UBE2L3: variants seen among roughly 807,000 people sequenced by gnomAD.
The protein encoded by UBE2L3 is ubiquitin conjugating enzyme E2 L3.
A neutral mutation model predicts 17.8 loss-of-function variants in UBE2L3; 1 was observed. The observed-to-expected ratio is 0.06, with a 90% CI of 0.02 to 0.27. UBE2L3 has a LOEUF of 0.27. UBE2L3 is among the 10% of genes least tolerant of loss of function. UBE2L3 has a pLI of 1.00. For missense variants in UBE2L3, 40 were observed against 192.6 expected, an observed-to-expected ratio of 0.21 and a Z score of 4.69; for synonymous variants, 44 against 68.5, an observed-to-expected ratio of 0.64 and a Z score of 1.76.
At position 21,621,619 on chromosome 22, in the gene UBE2L3, A is replaced by G; in HGVS notation, c.415A>G (p.Asn139Asp). The G allele has an allele frequency of 6.2e-7, 1 of 1,607,396 alleles. No individual in the cohort carries two copies. Among genetic ancestry groups the G allele is most frequent in the Non-Finnish European group, 8.5e-7 (1 of 1,178,454 alleles). ...YSKDRKKFCK[N>D]AEEFTKKYGE... ...TAAGGACCGTAAAAAATTCTGTAAG[A>G]ATGCTGAAGAGTTTACAAAGAAATA... Residue 139 changes from asparagine (N) to aspartate (D), a missense_variant, in exon 4 of 4, where the codon AAT (asparagine) becomes GAT (aspartate). By Grantham distance (23) the Asn-to-Asp change is conservative (BLOSUM62 1). Coordinates refer to ENST00000342192, the MANE Select transcript of UBE2L3 (RefSeq NM_003347.4).
chr22:21,582,384 C>T (rs1325964348), intron 1 of UBE2L3, among the ~76,000 whole-genome samples: 2 of 149,302 alleles, frequency 1.3e-5, no homozygotes, highest in Admixed American at 1.3e-4. Flanking sequence ...GATGGAGTCT[C>T]GCTCTGTCAC....
intron 1 of UBE2L3, among the ~76,000 whole-genome samples, chr22:21,588,281 A>G (rs1409435234): frequency 1.3e-5 from 2 of 151,806 alleles, no homozygotes; most frequent in Non-Finnish European, 1.5e-5. Context: ...CACTTCTTGG[A>G]ATTTACATTG....
intron 3 of UBE2L3, among the ~76,000 whole-genome samples, chr22:21,617,635 G>A (rs1929845107): frequency 6.6e-6 from 1 of 152,074 alleles, no homozygotes; most frequent in Non-Finnish European, 1.5e-5. Context: ...TTTGGGTCAT[G>A]GAAGAGACCA....
At chr22:21,556,991 T>C (rs1601380562) in intron 1 of UBE2L3, among the ~76,000 whole-genome samples, 1 of 152,034 alleles carries the variant, frequency 6.6e-6, no homozygotes, top group African/African-American at 2.4e-5. Context: ...GAGGTGGAGG[T>C]TGCAGTGAGC....
At chr22:21,574,103 G>A (rs946115272) in intron 1 of UBE2L3, among the ~76,000 whole-genome samples, 1 of 152,184 alleles carries the variant, frequency 6.6e-6, no homozygotes, top group African/African-American at 2.4e-5. Context: ...GGCTTTGCAT[G>A]TATCTCCTGT....
At chr22:21,559,969 G>C (rs1926372848) in intron 1 of UBE2L3, among the ~76,000 whole-genome samples, 1 of 152,282 alleles carries the variant, frequency 6.6e-6, no homozygotes, top group Admixed American at 6.5e-5. Flanking sequence ...ACATCTTCCT[G>C]GGCCAGGAGG....
chr22:21,574,091 A>G (rs1927130752), intron 1 of UBE2L3, among the ~76,000 whole-genome samples: 1 of 152,098 alleles, frequency 6.6e-6, no homozygotes, highest in Non-Finnish European at 1.5e-5. Flanking sequence ...TCACTCAGAA[A>G]GGGCTTTGCA....
rs918359651 is a variant in UBE2L3, at chr22:21,581,171, C to T, written c.28-11690C>T. ...CCAGGTTCAAACAATTCTCCCACCTCAGCCCCCCAAGTAGCTGAAGACTAT... is the reference window on the plus strand; with the variant it reads ...CCAGGTTCAAACAATTCTCCCACCTTAGCCCCCCAAGTAGCTGAAGACTAT... On this transcript the variant is annotated intron_variant, in intron 1 of 3. Coordinates refer to ENST00000342192, the MANE Select transcript of UBE2L3 (RefSeq NM_003347.4). Among the ~76,000 whole-genome samples, 4 of 151,904 alleles carry T rather than the reference C, an allele frequency of 2.6e-5. No individual in the cohort carries two copies. In the East Asian group the frequency reaches 7.7e-4, roughly 29 times the overall value.
At chr22:21,613,752 T>C (rs934812831) in intron 3 of UBE2L3, among the ~76,000 whole-genome samples, 1 of 152,202 alleles carries the variant, frequency 6.6e-6, no homozygotes, top group African/African-American at 2.4e-5. Flanking sequence ...TGCAGCTGTA[T>C]TGAGGTGGGA....
At chr22:21,601,592 G>A (rs962377278) in intron 2 of UBE2L3, among the ~76,000 whole-genome samples, 2 of 151,914 alleles carry the variant, frequency 1.3e-5, no homozygotes, top group African/African-American at 2.4e-5. Context: ...TGGGATTATA[G>A]GTATGAGCCA....
At chr22:21,561,692 A>G (rs1226465954) in intron 1 of UBE2L3, among the ~76,000 whole-genome samples, 11 of 152,388 alleles carry the variant, frequency 7.2e-5, no homozygotes, top group Non-Finnish European at 1.0e-4. Flanking sequence ...AGGGAATGGC[A>G]AAGGCACCAC....
At chr22:21,589,176 C>G (rs573496092) in intron 1 of UBE2L3, among the ~76,000 whole-genome samples, 1 of 126,556 alleles carries the variant, frequency 7.9e-6, no homozygotes, top group African/African-American at 3.1e-5. Context: ...GACGGAGTCT[C>G]GCTCTGTCAC....
chr22:21,595,553 CGTA>C (rs1408420287), intron 2 of UBE2L3, among the ~76,000 whole-genome samples: 1 of 152,138 alleles, frequency 6.6e-6, no homozygotes, highest in African/African-American at 2.4e-5. Flanking sequence ...TTGCCCTGGT[CGTA>C]GTGCACAGAG....
intron 2 of UBE2L3, among the ~76,000 whole-genome samples, chr22:21,605,069 A>C (rs1174875337): frequency 6.6e-6 from 1 of 152,232 alleles, no homozygotes; most frequent in Non-Finnish European, 1.5e-5. Context: ...AGCCTCAAGC[A>C]GTCCTCCTAC....
At chr22:21,596,511 C>G (rs1485077701) in intron 2 of UBE2L3, among the ~76,000 whole-genome samples, 3 of 151,976 alleles carry the variant, frequency 2.0e-5, no homozygotes, top group African/African-American at 7.3e-5. Flanking sequence ...GCTGGGATTG[C>G]AGGTGTGCAC....
At chr22:21,559,987 G>C (rs921885087) in intron 1 of UBE2L3, among the ~76,000 whole-genome samples, 1 of 152,284 alleles carries the variant, frequency 6.6e-6, no homozygotes, top group Non-Finnish European at 1.5e-5. Context: ...AGGGTAGTAT[G>C]GTGCGAGCTT....
chr22:21,578,720 G>A (rs1407774522), intron 1 of UBE2L3, among the ~76,000 whole-genome samples: 1 of 152,152 alleles, frequency 6.6e-6, no homozygotes, highest in South Asian at 2.1e-4. Context: ...TACTGTGGAG[G>A]TTGTGGGCAG....
At chr22:21,568,833 C>T (rs1305775012) in intron 1 of UBE2L3, among the ~76,000 whole-genome samples, 1 of 152,166 alleles carries the variant, frequency 6.6e-6, no homozygotes, top group Non-Finnish European at 1.5e-5. Context: ...AGACATTGAA[C>T]TTGGAGCCAC....
intron 2 of UBE2L3, among the ~76,000 whole-genome samples, chr22:21,603,311 T>C (rs1928962335): frequency 1.3e-5 from 2 of 151,342 alleles, no homozygotes; most frequent in African/African-American, 4.9e-5. Flanking sequence ...GCGGATCACC[T>C]GAGGTCAGGA....
Sources: allele counts gnomAD v4.1 joint callset (sites outside exome capture counted in the v4.1 genomes callset), GRCh38; gene constraint gnomAD v4.1.1; transcripts MANE v1.5; gene names NCBI Gene and HGNC (gene_info 2026-07-23, HGNC 2026-07-21).